BTBD16: variants seen among roughly 807,000 people sequenced by gnomAD.
The protein encoded by BTBD16 is BTB domain containing 16.
In BTBD16, 66 loss-of-function variants were observed where a neutral mutation model predicts 67.4. That is an observed-to-expected ratio of 0.98 (90% CI 0.80 to 1.20). The LOEUF is 1.20. BTBD16 is among the 50% of genes most tolerant of loss of function. BTBD16 has a pLI of 0.00. For synonymous variants in BTBD16, 242 were observed against 236.4 expected, an observed-to-expected ratio of 1.02 and a Z score of -0.22; for missense variants, 634 against 616.0, an observed-to-expected ratio of 1.03 and a Z score of -0.31.
intron 9 of BTBD16, among the ~76,000 whole-genome samples, chr10:122,303,352 C>T (rs573485698): frequency 1.2e-4 from 18 of 152,302 alleles, no homozygotes; most frequent in African/African-American, 1.9e-4. Context: ...ATGTTCTCAT[C>T]GTGATTGTAA....
Position 122,303,235 on chromosome 10 carries a change from C to G in BTBD16, c.792-3954C>G, listed in dbSNP as rs375214414. The stretch of plus-strand genomic sequence containing the variant: ...TTCCTCATTTCTGCCTCCTTCCCCT[C>G]CTAAAGACAATTAAACCACTGTTAG... On this transcript the variant is annotated intron_variant, in intron 9 of 15. Transcript: ENST00000260723. Among the ~76,000 whole-genome samples the G allele has an allele frequency of 5.3e-5, 8 of 152,274 alleles. No individual in the cohort carries two copies. In the East Asian group the frequency reaches 1.5e-3, roughly 29 times the overall value.
At chr10:122,308,081 C>T (rs990325958) in intron 10 of BTBD16, among the ~76,000 whole-genome samples, 10 of 152,218 alleles carry the variant, frequency 6.6e-5, no homozygotes, top group Non-Finnish European at 1.0e-4. Flanking sequence ...CTATGAGACA[C>T]TTTTTCCAAT....
At chr10:122,272,422 A>C (rs1335872869) in intron 1 of BTBD16, among the ~76,000 whole-genome samples, 3 of 152,014 alleles carry the variant, frequency 2.0e-5, no homozygotes, top group Non-Finnish European at 4.4e-5. Flanking sequence ...GCTCACTGCA[A>C]CCTCCACCTC....
intron 15 of BTBD16, among the ~76,000 whole-genome samples, chr10:122,337,417 A>G (rs1343947061): frequency 6.6e-6 from 1 of 151,884 alleles, no homozygotes; most frequent in East Asian, 1.9e-4. Flanking sequence ...AGAGAACATG[A>G]AGGACATTTC....
intron 9 of BTBD16, 40 bp downstream of exon 9, chr10:122,299,174 A>T: frequency 6.2e-7 from 1 of 1,606,218 alleles, no homozygotes; most frequent in Non-Finnish European, 8.5e-7. Context: ...TGAGAGGGGG[A>T]TGGGAGAAAG....
Position 122,307,293 on chromosome 10 carries a change from T to G in BTBD16, c.896T>G (p.Met299Arg). 1 of 1,605,808 alleles carries G rather than the reference T, an allele frequency of 6.2e-7. No homozygotes were observed. Among genetic ancestry groups the G allele is most frequent in the Non-Finnish European group, 8.5e-7 (1 of 1,177,628 alleles). ...IQAIPTYETV[M>R]TFFKSFPENC... ...GCAATTCCGACTTATGAAACCGTGA[T>G]GACATTTTTTAAGAGGTAATATAAC... Residue 299 changes from methionine (M) to arginine (R), a missense_variant, in exon 10 of 16, where the codon ATG becomes AGG. Transcript: ENST00000260723.
At chr10:122,301,327 G>T (rs1159393769) in intron 9 of BTBD16, among the ~76,000 whole-genome samples, 1 of 152,082 alleles carries the variant, frequency 6.6e-6, no homozygotes, top group Non-Finnish European at 1.5e-5. Flanking sequence ...ACGTATGCTG[G>T]GCAGAAAAAG....
intron 9 of BTBD16, chr10:122,303,640 A>G (rs2096398131): frequency 2.4e-6 from 2 of 825,958 alleles, no homozygotes; most frequent in Non-Finnish European, 2.9e-6. Context: ...TATTGTTTAT[A>G]TATAATTTTC....
intron 5 of BTBD16, among the ~76,000 whole-genome samples, chr10:122,288,246 G>A (rs1056045470): frequency 2.6e-5 from 4 of 152,204 alleles, no homozygotes; most frequent in Admixed American, 1.3e-4. Context: ...CCCTGCCACG[G>A]GGTGGATGGC....
intron 14 of BTBD16, among the ~76,000 whole-genome samples, chr10:122,335,205 C>T (rs183382105): frequency 1.3e-5 from 2 of 152,310 alleles, no homozygotes; most frequent in East Asian, 1.9e-4. Context: ...GAAAACTGAG[C>T]GTCTTTGTGT....
chr10:122,329,287 G>A (rs2096450799), intron 10 of BTBD16, among the ~76,000 whole-genome samples, 193 bp from the exon 11 acceptor site: 1 of 152,108 alleles, frequency 6.6e-6, no homozygotes, highest in Non-Finnish European at 1.5e-5. Context: ...CCATCTCTGG[G>A]GCTGGACTTT....
rs534077758 is a variant in BTBD16 at position 122,279,322 on chromosome 10, T to A, written c.167+2383T>A. Among the ~76,000 whole-genome samples, 13 of 151,862 alleles carry A rather than the reference T, an allele frequency of 8.6e-5. No homozygotes were observed. The East Asian group carries it at 2.3e-3, about 27-fold the overall frequency. On this transcript the variant is annotated intron_variant, in intron 3 of 15. Transcript: ENST00000260723. Reference sequence around the variant, plus strand: ...GGTGAGACCCTGTCTTTACAAAAAATTTTAAAATTAGCCAGGTATGCTGGC... The same window carrying A: ...GGTGAGACCCTGTCTTTACAAAAAAATTTAAAATTAGCCAGGTATGCTGGC...
At chr10:122,329,615 G>A (rs778814021) in intron 11 of BTBD16, 44 bp downstream of exon 11, 2 of 1,551,840 alleles carry the variant, frequency 1.3e-6, no homozygotes, top group Non-Finnish European at 1.8e-6. Context: ...AAAGCTGCTG[G>A]GCACCTGCCC....
At chr10:122,302,014 T>G (rs10788276) in intron 9 of BTBD16, among the ~76,000 whole-genome samples, 42,140 of 152,104 alleles carry the variant, frequency 0.28, 6,257 homozygotes, top group East Asian at 0.43. Flanking sequence ...TGTGTGGAAA[T>G]GCAGACTCCA....
intron 5 of BTBD16, 53 bp downstream of exon 5, chr10:122,286,301 G>A (rs954755423): frequency 9.1e-6 from 14 of 1,545,764 alleles, no homozygotes; most frequent in Admixed American, 4.0e-5. Context: ...CTAGCTTGAC[G>A]GTCCCAGCTT....
At chr10:122,317,730 A>G (rs920725258) in intron 10 of BTBD16, among the ~76,000 whole-genome samples, 5 of 152,138 alleles carry the variant, frequency 3.3e-5, no homozygotes, top group African/African-American at 1.2e-4. Flanking sequence ...AGGTCCACAC[A>G]GGGTCAGGAC....
chr10:122,337,605 C>T (rs1033966267), intron 15 of BTBD16, among the ~76,000 whole-genome samples: 2 of 152,196 alleles, frequency 1.3e-5, no homozygotes, highest in Non-Finnish European at 2.9e-5. Flanking sequence ...GCTGGGACTA[C>T]AGGAGCCTGA....
At chr10:122,327,365 G>T (rs1438331546) in intron 10 of BTBD16, 2 of 152,428 alleles carry the variant, frequency 1.3e-5, no homozygotes, top group African/African-American at 4.8e-5. Context: ...GAGGACAATG[G>T]TGGTGCTTAT....
intron 7 of BTBD16, among the ~76,000 whole-genome samples, chr10:122,297,024 T>A (rs911452309): frequency 6.6e-6 from 1 of 152,248 alleles, no homozygotes; most frequent in Non-Finnish European, 1.5e-5. Flanking sequence ...TTTCAGGTTT[T>A]AAGTGCCTCT....
Sources: allele counts gnomAD v4.1 joint callset (sites outside exome capture counted in the v4.1 genomes callset), GRCh38; gene constraint gnomAD v4.1.1; transcripts MANE v1.5; gene names NCBI Gene and HGNC (gene_info 2026-07-23, HGNC 2026-07-21).